Variants in YTHDC2 observed in about 807,000 individuals in gnomAD.
The protein encoded by YTHDC2 is 3'-5' RNA helicase YTHDC2.
A neutral mutation model predicts 174.9 loss-of-function variants in YTHDC2; 45 were observed. The observed-to-expected ratio is 0.26, with a 90% CI of 0.20 to 0.33. YTHDC2 has a LOEUF of 0.33. Ranked by LOEUF, YTHDC2 falls within the 10% of genes least tolerant of loss-of-function variation. The probability of loss-of-function intolerance (pLI) is 1.00; values close to 1 mark genes in which losing one functional copy is unlikely to be tolerated. For missense variants in YTHDC2, 1,650 were observed against 1,723.7 expected, an observed-to-expected ratio of 0.96 and a Z score of 0.76; for synonymous variants, 657 against 574.5, an observed-to-expected ratio of 1.14 and a Z score of -2.05.
intron 11 of YTHDC2, 107 bp downstream of exon 11, chr5:113,548,774 G>A (rs1207404160): frequency 1.6e-6 from 2 of 1,277,100 alleles, no homozygotes; most frequent in Admixed American, 3.2e-5. Flanking sequence ...TGTAATAATT[G>A]CTGGTGAATT....
rs561817134 is a variant in YTHDC2, at chr5:113,572,537, G to A, written c.3244+4688G>A. ...AATATCTTTGTTAATTTTCTGTCTT[G>A]ATGATCTGTCTAATGTTGTCTGTGG... On this transcript the variant is annotated intron_variant, in intron 23 of 29. Coordinates refer to ENST00000161863, the MANE Select transcript of YTHDC2 (RefSeq NM_022828.5). 2.0e-5 allele frequency among the ~76,000 whole-genome samples: 3 copies of A among 152,264 alleles called. No individual in the cohort carries two copies. The East Asian group carries it at 5.8e-4, about 29-fold the overall frequency.
chr5:113,537,844 C>T (rs1229913146), intron 7 of YTHDC2, among the ~76,000 whole-genome samples: 1 of 152,132 alleles, frequency 6.6e-6, no homozygotes, highest in Admixed American at 6.5e-5. Context: ...AATCATACTA[C>T]TATTGACCTA....
chr5:113,540,993 A>G lies in YTHDC2; in HGVS notation c.1236A>G (p.Thr412=), dbSNP rs1339907152. ...AAGAGAAACAACAAACCACACTTACAGAATGGTACTCAGCTCAAGAAAATA... is the reference window on the plus strand; with the variant it reads ...AAGAGAAACAACAAACCACACTTACGGAATGGTACTCAGCTCAAGAAAATA... The part of the protein sequence containing the change: ...QQEEKQQTTL[T]EWYSAQENSF... The change falls in exon 9 of 30, where the codon ACA becomes ACG. Residue 412 remains threonine, a synonymous_variant. Coordinates refer to ENST00000161863, the MANE Select transcript of YTHDC2 (RefSeq NM_022828.5). The G allele has an allele frequency of 6.2e-7, 1 of 1,613,548 alleles. No individual in the cohort carries two copies.
intron 4 of YTHDC2, 26 bp downstream of exon 4, chr5:113,526,811 GA>G (rs58260423): frequency 0.093 from 24,085 of 259,082 alleles, 1,041 homozygotes; most frequent in African/African-American, 0.15. Flanking sequence ...GTTGTTTATA[GA>G]AAAAAAAAAA....
chr5:113,529,086 T>C (rs926202376), intron 4 of YTHDC2, among the ~76,000 whole-genome samples: 5 of 152,212 alleles, frequency 3.3e-5, no homozygotes, highest in Non-Finnish European at 7.4e-5. Context: ...ATATGCCTCA[T>C]TGTCTAAACA....
At chr5:113,546,027 A>G (rs1382337192) in intron 10 of YTHDC2, among the ~76,000 whole-genome samples, 1 of 51,004 alleles carries the variant, frequency 2.0e-5, no homozygotes, top group East Asian at 3.3e-4. Context: ...GGCGTGAGCC[A>G]CCGCGCCCGG....
intron 26 of YTHDC2, among the ~76,000 whole-genome samples, chr5:113,586,840 C>A (rs1284648929): frequency 1.4e-5 from 2 of 141,796 alleles, no homozygotes; most frequent in Non-Finnish European, 3.0e-5. Flanking sequence ...TTGGACTCTT[C>A]AGTTTCATTA....
rs537231601 is a variant in YTHDC2, at chr5:113,585,257, GA to G, written c.3825+782del. 7.9e-5 allele frequency among the ~76,000 whole-genome samples: 12 copies of G among 151,876 alleles called. No homozygotes were observed. The East Asian group carries it at 2.3e-3, about 29-fold the overall frequency. On this transcript the variant is annotated intron_variant, in intron 26 of 29. Coordinates refer to ENST00000161863, the MANE Select transcript of YTHDC2 (RefSeq NM_022828.5). ...AGGTAGGAGATGTTGATAAGAAATT[GA>G]AAACTATCTTTAAAAAAACTTGTAA... is the stretch of plus-strand genomic sequence containing the variant.
rs1776584471 is a variant in YTHDC2 at position 113,556,055 on chromosome 5, T to A, written c.2137T>A (p.Ser713Thr). 6.3e-7 allele frequency: 1 copy of A among 1,586,420 alleles called. No individual in the cohort carries two copies. Among genetic ancestry groups the A allele is most frequent in the African/African-American group, 1.3e-5 (1 of 74,300 alleles). ...VIDSGKVKEK[S>T]FDALNFVTML... is the part of the protein sequence containing the mutation. ...AAAGATGGTTTAAATATTACAGAAATCCTTTGATGCTCTGAATTTTGTTAC... is the reference window on the plus strand; with the variant it reads ...AAAGATGGTTTAAATATTACAGAAAACCTTTGATGCTCTGAATTTTGTTAC... The change falls in exon 17 of 30, where the codon TCC (serine) becomes ACC (threonine). Residue 713 changes from serine (S) to threonine (T), a missense_variant. Around this residue, in one of 5 missense-constraint regions of YTHDC2, gnomAD observed 913 missense variants for 940.4 expected, o/e 0.97. Transcript: ENST00000161863.
intron 4 of YTHDC2, among the ~76,000 whole-genome samples, chr5:113,532,439 T>C (rs538385161): frequency 6.6e-6 from 1 of 152,312 alleles, no homozygotes; most frequent in Non-Finnish European, 1.5e-5. Context: ...TAGACTATTT[T>C]TGTTTTTTAA....
chr5:113,528,262 C>T (rs1013046219), intron 4 of YTHDC2, among the ~76,000 whole-genome samples: 4 of 151,982 alleles, frequency 2.6e-5, no homozygotes, highest in African/African-American at 7.2e-5. Context: ...GAATTTAATT[C>T]GTAAATATTA....
Position 113,570,447 on chromosome 5 carries a change from A to T in YTHDC2, c.3244+2598A>T, listed in dbSNP as rs140317301. 6.4e-3 allele frequency among the ~76,000 whole-genome samples: 976 copies of T among 152,216 alleles called. 7 individuals carry two copies. The highest frequency in any genetic ancestry group is 0.022 in the African/African-American group (910 of 41,544). ...TTGTTGCAATTGTGAATGTGAATTCATTCATGATTTGGCTCTCTGCTTGCC... is the reference window on the plus strand; with the variant it reads ...TTGTTGCAATTGTGAATGTGAATTCTTTCATGATTTGGCTCTCTGCTTGCC... On this transcript the variant is annotated intron_variant, in intron 23 of 29. Transcript: ENST00000161863.
At chr5:113,566,203 A>G (rs569185258) in intron 21 of YTHDC2, among the ~76,000 whole-genome samples, 184 bp downstream of exon 21, 1 of 152,250 alleles carries the variant, frequency 6.6e-6, no homozygotes, top group African/African-American at 2.4e-5. Flanking sequence ...TTGATGAAAA[A>G]ATGCTATTGC....
intron 3 of YTHDC2, 106 bp downstream of exon 3, chr5:113,525,283 AT>A (rs1774136080): frequency 1.0e-6 from 1 of 954,820 alleles, no homozygotes; most frequent in Non-Finnish European, 1.5e-6. Flanking sequence ...AGATTTCTCA[AT>A]TGGAATAGTT....
intron 12 of YTHDC2, among the ~76,000 whole-genome samples, chr5:113,552,904 G>C (rs1157494742): frequency 6.6e-6 from 1 of 151,994 alleles, no homozygotes; most frequent in Non-Finnish European, 1.5e-5. Context: ...GCATTTCCCT[G>C]ATAGCTAATG....
intron 4 of YTHDC2, among the ~76,000 whole-genome samples, chr5:113,527,118 A>G (rs1774316766): frequency 6.6e-6 from 1 of 152,142 alleles, no homozygotes; most frequent in Non-Finnish European, 1.5e-5. Flanking sequence ...CAGTTCCCTC[A>G]GTTATTGAAG....
intron 4 of YTHDC2, among the ~76,000 whole-genome samples, chr5:113,530,162 A>C (rs12656898): frequency 0.032 from 4,839 of 152,238 alleles, 109 homozygotes; most frequent in East Asian, 0.09. Context: ...TCTGAAATTT[A>C]TTTTATTGTA....
At chr5:113,528,473 C>T (rs752254256) in intron 4 of YTHDC2, among the ~76,000 whole-genome samples, 4 of 151,550 alleles carry the variant, frequency 2.6e-5, no homozygotes, top group Admixed American at 6.6e-5. Flanking sequence ...TATTTGTGTT[C>T]GTTGTGTGAA....
At chr5:113,588,184 A>T (rs1008784376) in intron 26 of YTHDC2, among the ~76,000 whole-genome samples, 1 of 151,590 alleles carries the variant, frequency 6.6e-6, no homozygotes, top group African/African-American at 2.4e-5. Flanking sequence ...TTTCAATCTG[A>T]TTGCTGTTTA....
Sources: allele counts gnomAD v4.1 joint callset (sites outside exome capture counted in the v4.1 genomes callset), GRCh38; gene constraint gnomAD v4.1.1; regional missense constraint gnomAD v4.1.1; transcripts MANE v1.5; gene names NCBI Gene and HGNC (gene_info 2026-07-23, HGNC 2026-07-21).